Variants in DUXB observed in about 807,000 individuals in gnomAD.
DUXB encodes double homeobox protein B.
In DUXB, 22 loss-of-function variants were observed where a neutral mutation model predicts 8.9. That is an observed-to-expected ratio of 2.46 (90% CI 1.76 to 3.52). The LOEUF (loss-of-function observed/expected upper bound fraction) is 3.52, where lower values mean the gene tolerates loss of function less well. DUXB is among the 30% of genes most tolerant of loss of function. DUXB has a pLI of 0.00. For synonymous variants in DUXB, 84 were observed against 37.6 expected (o/e 2.23, Z -4.52); for missense variants, 237 against 108.7 (o/e 2.18, Z -5.25).
intron 2 of DUXB, 60 bp from the exon 3 acceptor site, chr16:75,697,003 T>C: frequency 3.0e-6 from 2 of 674,672 alleles, no homozygotes; most frequent in Admixed American, 4.5e-5. Context: ...TATTGCCAAA[T>C]ATCAATTCAA....
intron 4 of DUXB, among the ~76,000 whole-genome samples, chr16:75,695,751 T>A (rs2082600683): frequency 6.6e-6 from 1 of 152,334 alleles, no homozygotes; most frequent in East Asian, 1.9e-4. Context: ...ATGGGTAGTT[T>A]CTGCTAGTGA....
rs2031970605 is a variant in DUXB at position 75,696,698 on chromosome 16, C to CT, written c.286+139dup. 8 of 581,704 alleles carry CT rather than the reference C, an allele frequency of 1.4e-5. No individual in the cohort carries two copies. The East Asian group carries it at 2.3e-4, about 16-fold the overall frequency. The allele number at this position is 581,704 out of a possible 1,614,324, so 36.0% of individuals were successfully genotyped here. A position where few individuals can be genotyped will look rare whatever the true frequency, so the allele number is the denominator to read the frequency against. Reference sequence around the variant, plus strand: ...ACTTCTATAACAAACTTACTTTCACCTAAAAAAAATGTAGGATAATGTTTC... The same window carrying CT: ...ACTTCTATAACAAACTTACTTTCACCTTAAAAAAAATGTAGGATAATGTTTC... On this transcript the variant is annotated intron_variant, in intron 3 of 4. Transcript: ENST00000633875.
At chr16:75,695,390 ATG>A (rs1397069438) in intron 4 of DUXB, among the ~76,000 whole-genome samples, 1 of 152,246 alleles carries the variant, frequency 6.6e-6, no homozygotes, top group Non-Finnish European at 1.5e-5. Context: ...ACACAAATAA[ATG>A]TATTTGAGAG....
chr16:75,697,972 C>A (rs1361549766), intron 2 of DUXB, among the ~76,000 whole-genome samples: 1 of 152,134 alleles, frequency 6.6e-6, no homozygotes, highest in Non-Finnish European at 1.5e-5. Flanking sequence ...CATTACCCAC[C>A]CCCTCTTGTC....
At chr16:75,700,259 G>C (rs1169308302) in intron 1 of DUXB, 90 bp from the exon 2 acceptor site, 1 of 597,966 alleles carries the variant, frequency 1.7e-6, no homozygotes, top group East Asian at 2.9e-5. Context: ...TTTTGAGACA[G>C]AGTCTCACTC....
chr16:75,696,937 A>G lies in DUXB; in HGVS notation c.187T>C (p.Phe63Leu), dbSNP rs763722467. 1.1e-4 allele frequency: 78 copies of G among 702,112 alleles called. No homozygotes were observed. The highest frequency in any genetic ancestry group is 1.7e-4 in the Non-Finnish European group (67 of 384,818). 43.5% of individuals were successfully genotyped at this position (702,112 alleles called of 1,614,324 possible). The change falls in exon 3 of 5, where the codon TTT becomes CTT. Residue 63 changes from phenylalanine (F) to leucine (L), a missense_variant. Transcript: ENST00000633875. ...GVPESNIQVW[F>L]KNYRVKQRKL... The stretch of plus-strand genomic sequence containing the variant: ...CTCTGTTTTACTCTGTAATTTTTAA[A>G]CCAAACCTAAGTAGGAGAAGAAGAT...
intron 2 of DUXB, among the ~76,000 whole-genome samples, chr16:75,699,553 C>G (rs1287939729): frequency 2.0e-5 from 3 of 150,652 alleles, no homozygotes; most frequent in African/African-American, 7.3e-5. Context: ...TATTTGTTTT[C>G]TTTTCTTTTC....
rs1959201726 is a variant in DUXB at position 75,700,062 on chromosome 16, T to C, written c.133A>G (p.Arg45Gly). 1 of 702,492 alleles carries C rather than the reference T, an allele frequency of 1.4e-6. No homozygotes were observed. Among genetic ancestry groups the C allele is most frequent in the Admixed American group, 2.0e-5 (1 of 49,914 alleles). The allele number at this position is 702,492 out of a possible 1,614,324, so 43.5% of individuals were successfully genotyped here. A position where few individuals can be genotyped will look rare whatever the true frequency, so the allele number is the denominator to read the frequency against. ...CCAATTTCTTTGGCCAGTTGTTCTC[T>C]GGCAGCTTTATCAGGGAAAGGGTCA... is the stretch of plus-strand genomic sequence containing the variant. Reference protein sequence around the residue: ...QHDPFPDKAAREQLAKEIGVP... With the variant: ...QHDPFPDKAAGEQLAKEIGVP... The change falls in exon 2 of 5, where the codon AGA becomes GGA. Residue 45 changes from arginine (R) to glycine (G), a missense_variant. Arg to Gly is a moderately radical substitution (Grantham distance 125). Coordinates refer to ENST00000633875, the MANE Select transcript of DUXB (RefSeq NM_001351307.2).
In DUXB at chr16:75,694,539, A is replaced by T. The variant is rs2082590076; in HGVS notation, c.442-14T>A. The T allele has an allele frequency of 2.8e-6, 2 of 702,844 alleles. No homozygotes were observed. The highest frequency in any genetic ancestry group is 5.2e-6 in the Non-Finnish European group (2 of 384,950). 43.5% of individuals were successfully genotyped at this position (702,844 alleles called of 1,614,324 possible). ...CTGAAACCACATCTAAATGAGAAAA[A>T]GGGCAACATGACATCATAAGACATA... On this transcript the variant is annotated splice_polypyrimidine_tract_variant and intron_variant, in intron 4 of 4. Transcript: ENST00000633875.
rs940250602 is a variant in DUXB, at chr16:75,694,207, T to A, written c.760A>T (p.Ile254Leu). The A allele has an allele frequency of 1.9e-6, 1 of 516,872 alleles. No homozygotes were observed. The highest frequency in any genetic ancestry group is 3.4e-6 in the Non-Finnish European group (1 of 296,592). The allele number at this position is 516,872 out of a possible 1,614,324, so 32.0% of individuals were successfully genotyped here. The change falls in exon 5 of 5, where the codon ATA becomes TTA. Residue 254 changes from isoleucine (I) to leucine (L), a missense_variant. By Grantham distance (5) the Ile-to-Leu change is conservative. Coordinates refer to ENST00000633875, the MANE Select transcript of DUXB (RefSeq NM_001351307.2). ...QEGEKSDQPL[I>L]IPNHLLTLPI... ...AGTGTCAGGAGGTGATTCGGAATTA[T>A]CAGAGGCTGATCAGACTTCTCTCCT...
At chr16:75,697,974 C>A (rs960818916) in intron 2 of DUXB, among the ~76,000 whole-genome samples, 2 of 152,124 alleles carry the variant, frequency 1.3e-5, no homozygotes, top group Non-Finnish European at 2.9e-5. Context: ...TTACCCACCC[C>A]CTCTTGTCTG....
At chr16:75,700,440 C>T (rs1959203702) in intron 1 of DUXB, among the ~76,000 whole-genome samples, 1 of 151,968 alleles carries the variant, frequency 6.6e-6, no homozygotes, top group Non-Finnish European at 1.5e-5. Context: ...TTATCTTGCC[C>T]AGGCTGGCCT....
rs1463242887 is a variant in DUXB at position 75,696,069 on chromosome 16, C to A, written c.333G>T (p.Trp111Cys). Reference sequence around the variant, plus strand: ...CTTGCACTAGCCTGTTTTTTTGAGTCCATGTGATGAATGTCTGTTTTTGTC... The same window carrying A: ...CTTGCACTAGCCTGTTTTTTTGAGTACATGTGATGAATGTCTGTTTTTGTC... ...EARQKQTFIT[W>C]TQKNRLVQAF... The change falls in exon 4 of 5, where the codon TGG becomes TGT. Residue 111 changes from tryptophan (W) to cysteine (C), a missense_variant. Transcript: ENST00000633875. 2 of 702,810 alleles carry A rather than the reference C, an allele frequency of 2.8e-6. No individual in the cohort carries two copies. The highest frequency in any genetic ancestry group is 3.5e-5 in the African/African-American group (2 of 57,192). The allele number at this position is 702,810 out of a possible 1,614,324, so 43.5% of individuals were successfully genotyped here.
In DUXB at chr16:75,695,990, G is replaced by T. The variant is rs1418751100; in HGVS notation, c.412C>A (p.Gln138Lys). 1.4e-6 allele frequency: 1 copy of T among 702,982 alleles called. No homozygotes were observed. Among genetic ancestry groups the T allele is most frequent in the South Asian group, 1.5e-5 (1 of 67,606 alleles). 43.5% of individuals were successfully genotyped at this position (702,982 alleles called of 1,614,324 possible). The change falls in exon 4 of 5, where the codon CAA becomes AAA. Residue 138 changes from glutamine to lysine, a missense_variant. Gln to Lys is a moderately conservative substitution (Grantham distance 53). Coordinates refer to ENST00000633875, the MANE Select transcript of DUXB (RefSeq NM_001351307.2). ...DIATRKKLAE[Q>K]TGLQESRIQM... is the part of the protein sequence containing the mutation. ...ATTCTTGATTCCTGCAGGCCTGTTT[G>T]TTCAGCCAGTTTTTTTCTGGTAGCA...
intron 2 of DUXB, among the ~76,000 whole-genome samples, chr16:75,699,591 G>T (rs537096436): frequency 6.8e-6 from 1 of 146,662 alleles, no homozygotes; most frequent in African/African-American, 2.5e-5. Context: ...ACGGAGTCTC[G>T]CTTTGTCTTC....
intron 4 of DUXB, among the ~76,000 whole-genome samples, chr16:75,695,574 A>AG (rs2082599080): frequency 6.6e-6 from 1 of 152,194 alleles, no homozygotes; most frequent in Non-Finnish European, 1.5e-5. Context: ...TGTCACAAAT[A>AG]GGGGGGAGAG....
chr16:75,701,338 A>G (rs1959208701), intron 1 of DUXB, 56 bp downstream of exon 1: 1 of 398,470 alleles, frequency 2.5e-6, no homozygotes, highest in African/African-American at 2.1e-5. Context: ...ACTCTGAAAA[A>G]TAAGCAAGAC....
intron 1 of DUXB, among the ~76,000 whole-genome samples, chr16:75,700,577 G>A (rs556095651): frequency 3.3e-5 from 5 of 151,924 alleles, no homozygotes; most frequent in Non-Finnish European, 4.4e-5. Context: ...GAGTGCAGTG[G>A]TACCATGTCA....
rs1356043989 is a variant in DUXB at position 75,700,145 on chromosome 16, C to G, written c.50G>C (p.Arg17Thr). 26 of 702,210 alleles carry G rather than the reference C, an allele frequency of 3.7e-5. No homozygotes were observed. The highest frequency in any genetic ancestry group is 5.2e-5 in the African/African-American group (3 of 57,330). The allele number at this position is 702,210 out of a possible 1,614,324, so 43.5% of individuals were successfully genotyped here. ...SGGILQKEFW[R>T]NRIQYNQSQK... ...ACTCTGGTTATACTGAATTCTGTTT[C>G]TCCAGAATTCTTTTTGAAGTATGCC... is the stretch of plus-strand genomic sequence containing the variant. Residue 17 changes from arginine to threonine, a missense_variant, in exon 2 of 5, where the codon AGA becomes ACA. Physicochemically the swap from Arg to Thr is moderately conservative, Grantham distance 71 (BLOSUM62 -1). Coordinates refer to ENST00000633875, the MANE Select transcript of DUXB (RefSeq NM_001351307.2).
Sources: gnomAD v4.1 joint callset for allele counts (sites outside exome capture counted in the v4.1 genomes callset) on GRCh38, gnomAD v4.1.1 for gene constraint, MANE v1.5 for transcripts, NCBI Gene and HGNC (gene_info 2026-07-23, HGNC 2026-07-21) for gene names.